TP53BP1: variants seen among roughly 807,000 people sequenced by gnomAD.
TP53BP1 encodes tumor protein p53 binding protein 1.
TP53BP1 carries 61 observed loss-of-function variants against 200.8 expected under a neutral mutation model. The ratio of observed to expected loss-of-function variants is 0.30; its 90% CI spans 0.25 to 0.38. The LOEUF (loss-of-function observed/expected upper bound fraction) is 0.38, where lower values mean the gene tolerates loss of function less well. TP53BP1 is among the 10% of genes least tolerant of loss of function. The probability of loss-of-function intolerance (pLI) is 1.00; values close to 1 mark genes in which losing one functional copy is unlikely to be tolerated. For synonymous variants in TP53BP1, 822 were observed against 844.3 expected, an observed-to-expected ratio of 0.97 and a Z score of 0.46; for missense variants, 2,144 against 2,371.9, an observed-to-expected ratio of 0.90 and a Z score of 2.00.
chr15:43,491,874 T>G (rs1217504562), intron 3 of TP53BP1, 121 bp from the exon 4 acceptor site: 1 of 1,067,196 alleles, frequency 9.4e-7, no homozygotes, highest in Non-Finnish European at 1.5e-6. Context: ...TTTGAGTGAC[T>G]ACTACGCAGA....
chr15:43,508,546 T>G (rs1221622729), intron 1 of TP53BP1, among the ~76,000 whole-genome samples: 1 of 152,128 alleles, frequency 6.6e-6, no homozygotes. Flanking sequence ...GGTGCAAGGA[T>G]CACTTGAGCC....
rs1299648700 is a variant in TP53BP1, at chr15:43,432,438, G to A, written c.3431C>T (p.Pro1144Leu). The A allele has an allele frequency of 9.9e-6, 16 of 1,614,036 alleles. No individual in the cohort carries two copies. The highest frequency in any genetic ancestry group is 1.4e-5 in the Non-Finnish European group (16 of 1,180,022). The change falls in exon 17 of 28, where the codon CCT (proline) becomes CTT (leucine). Residue 1144 changes from proline to leucine, a missense_variant. Pro to Leu is a moderately conservative substitution (Grantham distance 98). Around this residue, in one of 4 missense-constraint regions of TP53BP1, gnomAD observed 1,700 missense variants for 1,710.3 expected, o/e 0.99. Coordinates refer to ENST00000382044, the MANE Select transcript of TP53BP1 (RefSeq NM_001141980.3). ...GGGCCTTTCAATCAAGGCCTTACTA[G>A]GATTTTCCTTATTAGTACTCCGTCC... ...KEGRSTNKEN[P>L]SKALIERPSQ...
At chr15:43,466,929 G>A (rs192088316) in intron 11 of TP53BP1, among the ~76,000 whole-genome samples, 12 of 152,210 alleles carry the variant, frequency 7.9e-5, no homozygotes, top group Admixed American at 2.6e-4. Context: ...CATAAAGAAC[G>A]AAAAGTGGTT....
At chr15:43,497,539 C>T (rs1442369784), upstream of TP53BP1, 4 of 736,252 alleles carry the variant, frequency 5.4e-6, no homozygotes, top group Non-Finnish European at 6.6e-6. Context: ...GAAGCCAGTA[C>T]TATAGAATAA....
intron 4 of TP53BP1, among the ~76,000 whole-genome samples, chr15:43,482,744 G>C: frequency 6.6e-6 from 1 of 152,202 alleles, no homozygotes; most frequent in Non-Finnish European, 1.5e-5. Flanking sequence ...CTCCAGCCTG[G>C]GAGACATGGC....
chr15:43,456,221 G>C lies in TP53BP1; in HGVS notation c.2387C>G (p.Ala796Gly), dbSNP rs770323204. The C allele has an allele frequency of 8.7e-6, 14 of 1,614,136 alleles. No homozygotes were observed. The highest frequency in any genetic ancestry group is 1.1e-5 in the Non-Finnish European group (13 of 1,180,030). ...CSDSQSWEDIAPEIEPCAENR... is the reference protein window; with the variant it reads ...CSDSQSWEDIGPEIEPCAENR... ...CTCAGCACATGGTTCTATTTCTGGAGCAATATCCTCCCATGACTGGGAATC... is the reference window on the plus strand; with the variant it reads ...CTCAGCACATGGTTCTATTTCTGGACCAATATCCTCCCATGACTGGGAATC... Residue 796 changes from alanine (A) to glycine (G), a missense_variant, in exon 12 of 28, where the codon GCT (alanine) becomes GGT (glycine). This residue lies in a region of TP53BP1 where 1,700 missense variants were observed against 1,710.3 expected (regional missense o/e 0.99). Transcript: ENST00000382044.
intron 18 of TP53BP1, 40 bp downstream of exon 18, chr15:43,427,976 A>G: frequency 7.0e-7 from 1 of 1,436,682 alleles, no homozygotes; most frequent in South Asian, 1.4e-5. Flanking sequence ...AAAAAAAAGA[A>G]AGAAAGAAAT....
At chr15:43,448,143 A>T (rs2046085235) in intron 12 of TP53BP1, among the ~76,000 whole-genome samples, 1 of 152,168 alleles carries the variant, frequency 6.6e-6, no homozygotes. Context: ...CCTCATATAT[A>T]AGCATCACCA....
intron 21 of TP53BP1, among the ~76,000 whole-genome samples, chr15:43,418,153 C>G (rs894154559): frequency 7.0e-6 from 1 of 142,438 alleles, no homozygotes; most frequent in African/African-American, 2.6e-5. Flanking sequence ...GCACTCCAGC[C>G]TGGGCGACAG....
At chr15:43,462,081 C>T (rs2046447838) in intron 11 of TP53BP1, among the ~76,000 whole-genome samples, 1 of 150,508 alleles carries the variant, frequency 6.6e-6, no homozygotes, top group African/African-American at 2.4e-5. Flanking sequence ...CCTGTAATCC[C>T]AGCACATTGG....
Position 43,406,586 on chromosome 15 carries a change from T to G in TP53BP1, c.*797A>C, listed in dbSNP as rs780167834. 4.4e-6 allele frequency: 2 copies of G among 456,008 alleles called. No homozygotes were observed. The highest frequency in any genetic ancestry group is 3.1e-5 in the South Asian group (2 of 64,554). 28.2% of individuals were successfully genotyped at this position (456,008 alleles called of 1,614,324 possible). On this transcript the variant is annotated 3_prime_UTR_variant, in exon 28 of 28. Coordinates refer to ENST00000382044, the MANE Select transcript of TP53BP1 (RefSeq NM_001141980.3). ...CCCACAAAGCCTGAAATATTTACTC[T>G]TTGACCCTTTACAGAAAAAAACCTT...
chr15:43,405,561 A>T lies in TP53BP1; in HGVS notation c.*1822T>A. 3.8e-6 allele frequency: 1 copy of T among 264,822 alleles called. No individual in the cohort carries two copies. The highest frequency in any genetic ancestry group is 7.2e-6 in the Non-Finnish European group (1 of 139,752). 16.4% of individuals were successfully genotyped at this position (264,822 alleles called of 1,614,324 possible). On this transcript the variant is annotated 3_prime_UTR_variant, in exon 28 of 28. Coordinates refer to ENST00000382044, the MANE Select transcript of TP53BP1 (RefSeq NM_001141980.3). ...AGATACAGCGGTAAACAAACAATAT[A>T]GAGCAGAAAGTTAAATATTTTATGG... is the stretch of plus-strand genomic sequence containing the variant.
intron 23 of TP53BP1, among the ~76,000 whole-genome samples, chr15:43,414,775 G>A (rs984074066): frequency 7.9e-5 from 12 of 151,598 alleles, no homozygotes; most frequent in East Asian, 1.9e-4. Context: ...GCGTGATCTC[G>A]GCTCACTGCA....
In TP53BP1 at chr15:43,440,462, C is replaced by T. The variant is rs184232447; in HGVS notation, c.3098+1064G>A. 5.8e-3 allele frequency among the ~76,000 whole-genome samples: 876 copies of T among 149,998 alleles called. 2 individuals are homozygous for T. Among genetic ancestry groups the T allele is most frequent in the Non-Finnish European group, 9.7e-3 (657 of 67,732 alleles). ...CCCGGGAGGCGGAGCTTGCAGTGAGCGGAGATCGTGCCACTGCACTCCAGC... is the reference window on the plus strand; with the variant it reads ...CCCGGGAGGCGGAGCTTGCAGTGAGTGGAGATCGTGCCACTGCACTCCAGC... On this transcript the variant is annotated intron_variant, in intron 15 of 27. Transcript: ENST00000382044.
chr15:43,474,141 G>A (rs1049269460), intron 10 of TP53BP1, among the ~76,000 whole-genome samples: 9 of 150,864 alleles, frequency 6.0e-5, no homozygotes, highest in Admixed American at 2.6e-4. Flanking sequence ...CTCATTGCCC[G>A]GGGGGCCGGC....
chr15:43,406,162 C>T lies in TP53BP1; in HGVS notation c.*1221G>A, dbSNP rs981239471. On this transcript the variant is annotated 3_prime_UTR_variant, in exon 28 of 28. Transcript: ENST00000382044. ...ATTGCAGGCCCAATTACCCATCTTACACAAACCATAGGGGTTGAAGTTATC... is the reference window on the plus strand; with the variant it reads ...ATTGCAGGCCCAATTACCCATCTTATACAAACCATAGGGGTTGAAGTTATC... 6.6e-6 allele frequency: 1 copy of T among 151,676 alleles called. No homozygotes were observed. Among genetic ancestry groups the T allele is most frequent in the African/African-American group, 2.4e-5 (1 of 41,148 alleles). The allele number at this position is 151,676 out of a possible 1,614,324, so 9.4% of individuals were successfully genotyped here. A position where few individuals can be genotyped will look rare whatever the true frequency, so the allele number is the denominator to read the frequency against.
chr15:43,434,378 C>G (rs927124608), intron 16 of TP53BP1, among the ~76,000 whole-genome samples: 5 of 152,054 alleles, frequency 3.3e-5, no homozygotes, highest in Admixed American at 3.3e-4. Flanking sequence ...AATGGCTGAG[C>G]AAGAAGGAAA....
intron 11 of TP53BP1, among the ~76,000 whole-genome samples, chr15:43,467,525 T>C (rs2046614539): frequency 7.7e-6 from 1 of 130,176 alleles, no homozygotes; most frequent in Non-Finnish European, 1.5e-5. Flanking sequence ...TTTTCATTGC[T>C]GATTTTTTAG....
In TP53BP1 at chr15:43,408,091, A is replaced by G. The variant is rs376987949; in HGVS notation, c.5601-3T>C. On this transcript the variant is annotated splice_region_variant and splice_polypyrimidine_tract_variant and intron_variant, in intron 26 of 27. Coordinates refer to ENST00000382044, the MANE Select transcript of TP53BP1 (RefSeq NM_001141980.3). ...GGAAAGGATTTTCACGGGGTTGCCT[A>G]TGAAGGAGACAGGAAAGGACCTTAG... 1.1e-5 allele frequency: 18 copies of G among 1,613,518 alleles called. No homozygotes were observed. Among genetic ancestry groups the G allele is most frequent in the Non-Finnish European group, 1.4e-5 (17 of 1,179,808 alleles).
Sources: gnomAD v4.1 joint callset for allele counts (sites outside exome capture counted in the v4.1 genomes callset) on GRCh38, gnomAD v4.1.1 for gene constraint, gnomAD v4.1.1 regional missense constraint, MANE v1.5 for transcripts, NCBI Gene and HGNC (gene_info 2026-07-23, HGNC 2026-07-21) for gene names.